Variants in KIF13A observed in about 807,000 individuals in gnomAD.
The protein encoded by KIF13A is kinesin family member 13A, also known as kinesin-like protein KIF13A.
KIF13A carries 79 observed loss-of-function variants against 212.2 expected under a neutral mutation model. The observed-to-expected ratio is 0.37, with a 90% CI of 0.31 to 0.45. The LOEUF (loss-of-function observed/expected upper bound fraction) is 0.45. Among genes scored for constraint, KIF13A ranks in the 20% least tolerant of loss-of-function variants. The pLI is 1.00. For missense variants in KIF13A, 1,901 were observed against 2,209.0 expected, an observed-to-expected ratio of 0.86 and a Z score of 2.79; for synonymous variants, 789 against 808.6, an observed-to-expected ratio of 0.98 and a Z score of 0.41.
Position 17,872,747 on chromosome 6 carries a change from C to T in KIF13A, c.220+630G>A, listed in dbSNP as rs963436261. Among the ~76,000 whole-genome samples, 1 of 152,044 alleles carries T rather than the reference C, an allele frequency of 6.6e-6. No homozygotes were observed. Among genetic ancestry groups the T allele is most frequent in the African/African-American group, 2.4e-5 (1 of 41,472 alleles). On this transcript the variant is annotated intron_variant, in intron 4 of 38. Transcript: ENST00000259711. This position sits in a 1 kb window ranked among gnomAD's most constrained non-coding sequence, Gnocchi z 4.7. ...GCCTCCTGGGCTCAAGGCATTCTCC[C>T]GCCTCAGCCTCCCAAGTAGCTGGGA... is the stretch of plus-strand genomic sequence containing the variant.
In KIF13A at chr6:17,877,129, TTCTC is replaced by T. The variant is rs371357176; in HGVS notation, c.160-3696_160-3693del. Reference sequence around the variant, plus strand: ...AAAGACTAGTAAGTTATACGCAATGTTCTCTCTCTCTTGCCAAAAAAAAAAAAAA... The same window carrying T: ...AAAGACTAGTAAGTTATACGCAATGTTCTCTCTTGCCAAAAAAAAAAAAAA... On this transcript the variant is annotated intron_variant, in intron 3 of 38. Coordinates refer to ENST00000259711, the MANE Select transcript of KIF13A (RefSeq NM_022113.6). Among the ~76,000 whole-genome samples the T allele has an allele frequency of 5.5e-3, 763 of 138,868 alleles. 6 individuals are homozygous for T. Among genetic ancestry groups the T allele is most frequent in the African/African-American group, 0.02 (729 of 36,570 alleles). 91.1% of individuals were successfully genotyped at this position (138,868 alleles called of 152,430 possible).
At chr6:17,941,867 T>A (rs1373517272) in intron 2 of KIF13A, among the ~76,000 whole-genome samples, 1 of 151,976 alleles carries the variant, frequency 6.6e-6, no homozygotes, top group East Asian at 1.9e-4. Context: ...AAGGATGGGT[T>A]GTATATACTA....
At chr6:17,924,019 T>C (rs1392703950) in intron 2 of KIF13A, among the ~76,000 whole-genome samples, 1 of 152,190 alleles carries the variant, frequency 6.6e-6, no homozygotes. Context: ...AATCTTTTAC[T>C]TTAAGATATG....
intron 2 of KIF13A, among the ~76,000 whole-genome samples, chr6:17,980,274 G>C (rs1468769084): frequency 6.6e-6 from 1 of 152,230 alleles, no homozygotes; most frequent in Non-Finnish European, 1.5e-5. Context: ...AATAAGGTGA[G>C]TAGGTAGAAT....
Position 17,804,507 on chromosome 6 carries a change from T to C in KIF13A, c.2308A>G (p.Lys770Glu), listed in dbSNP as rs567873540. The C allele has an allele frequency of 1.0e-4, 162 of 1,593,734 alleles. 3 individuals are homozygous for C. In the South Asian group the frequency reaches 1.8e-3, roughly 18 times the overall value. ...TCACCTCGTTTTCCGTAGAGTCTCT[T>C]TGCCTGAGAAGTAGGAGGGGCCAGT... ...QEWKEKVPEAKRLYGKRGDPF... is the reference protein window; with the variant it reads ...QEWKEKVPEAERLYGKRGDPF... The change falls in exon 20 of 39, where the codon AAG (lysine) becomes GAG (glutamate). Residue 770 changes from lysine (K) to glutamate (E), a missense_variant. This residue lies in a region of KIF13A where 534 missense variants were observed against 536.9 expected (regional missense o/e 0.99). Transcript: ENST00000259711.
chr6:17,855,629 C>T lies in KIF13A; in HGVS notation c.314-12G>A. ...GGATTTTCCCGAACCTGGAGAACAG[C>T]AAGGAAAAAGAAGAACAGGTAGAGG... On this transcript the variant is annotated splice_polypyrimidine_tract_variant and intron_variant, in intron 5 of 38. Coordinates refer to ENST00000259711, the MANE Select transcript of KIF13A (RefSeq NM_022113.6). This position sits in a 1 kb window ranked among gnomAD's most constrained non-coding sequence, Gnocchi z 4.1. 2 of 1,590,886 alleles carry T rather than the reference C, an allele frequency of 1.3e-6. No homozygotes were observed. Among genetic ancestry groups the T allele is most frequent in the Non-Finnish European group, 1.7e-6 (2 of 1,171,254 alleles).
At position 17,909,644 on chromosome 6, in the gene KIF13A, C is replaced by T. The variant is rs191537022; in HGVS notation, c.147-11464G>A. Among the ~76,000 whole-genome samples the T allele has an allele frequency of 3.4e-4, 51 of 152,142 alleles. No homozygotes were observed. In the East Asian group the frequency reaches 8.5e-3, roughly 25 times the overall value. ...GTATGGTGGCTCATGCCTGTAATCC[C>T]GGCACGTTGGGAGGCCAAGGCAGGC... is the stretch of plus-strand genomic sequence containing the variant. On this transcript the variant is annotated intron_variant, in intron 2 of 38. Transcript: ENST00000259711.
At position 17,764,603 on chromosome 6, in the gene KIF13A, T is replaced by G. The variant is rs1256909832; in HGVS notation, c.4925A>C (p.His1642Pro). The G allele has an allele frequency of 9.9e-6, 16 of 1,613,900 alleles. No homozygotes were observed. Among genetic ancestry groups the G allele is most frequent in the Non-Finnish European group, 1.4e-5 (16 of 1,179,904 alleles). ...STEHSTPSLV[H>P]DFRPSSNKEL... ...TTTGTTTGAGGACGGCCTGAAATCA[T>G]GCACAAGCGATGGTGTGGAGTGCTC... Residue 1642 changes from histidine to proline, a missense_variant, in exon 39 of 39, where the codon CAT (histidine) becomes CCT (proline). Physicochemically the swap from His to Pro is moderately conservative, Grantham distance 77. This residue lies in a region of KIF13A where 687 missense variants were observed against 759.1 expected (regional missense o/e 0.90). Transcript: ENST00000259711. This position sits in a 1 kb window ranked among gnomAD's most constrained non-coding sequence, Gnocchi z 5.1.
chr6:17,811,782 A>G lies in KIF13A; in HGVS notation c.2001-2852T>C, dbSNP rs909008280. 4.6e-5 allele frequency among the ~76,000 whole-genome samples: 7 copies of G among 152,110 alleles called. No homozygotes were observed. The highest frequency in any genetic ancestry group is 7.4e-5 in the Non-Finnish European group (5 of 68,002). ...TCTTGTCTTTGAATGACATTCCCAAAATATCTCATCTTTTTTTTTCTTCCT... is the reference window on the plus strand; with the variant it reads ...TCTTGTCTTTGAATGACATTCCCAAGATATCTCATCTTTTTTTTTCTTCCT... On this transcript the variant is annotated intron_variant, in intron 17 of 38. Coordinates refer to ENST00000259711, the MANE Select transcript of KIF13A (RefSeq NM_022113.6). The surrounding 1 kb of genome is among the most constrained non-coding windows in gnomAD (Gnocchi z 6.0).
chr6:17,793,971 C>T (rs1362539444), intron 25 of KIF13A, among the ~76,000 whole-genome samples: 1 of 151,636 alleles, frequency 6.6e-6, no homozygotes, highest in Non-Finnish European at 1.5e-5. Context: ...GCAGTAATGC[C>T]AAAGATACAA....
rs1445890998 is a variant in KIF13A, at chr6:17,892,971, G to C, written c.159+5197C>G. On this transcript the variant is annotated intron_variant, in intron 3 of 38. Coordinates refer to ENST00000259711, the MANE Select transcript of KIF13A (RefSeq NM_022113.6). This position sits in a 1 kb window ranked among gnomAD's most constrained non-coding sequence, Gnocchi z 4.7. ...GGAACTCTTGATTTATAGCCGGTAGGTCAGAAGTATAGGTGGCAACCTGGG... is the reference window on the plus strand; with the variant it reads ...GGAACTCTTGATTTATAGCCGGTAGCTCAGAAGTATAGGTGGCAACCTGGG... Among the ~76,000 whole-genome samples, 3 of 152,212 alleles carry C rather than the reference G, an allele frequency of 2.0e-5. No homozygotes were observed. Among genetic ancestry groups the C allele is most frequent in the Non-Finnish European group, 4.4e-5 (3 of 68,042 alleles).
chr6:17,831,322 C>T (rs1706345044), intron 12 of KIF13A, 87 bp from the exon 13 acceptor site: 1 of 1,462,278 alleles, frequency 6.8e-7, no homozygotes, highest in African/African-American at 1.4e-5. Context: ...GTCACTGTTT[C>T]TGGGGACAAT....
In KIF13A at chr6:17,844,302, T is replaced by C. The variant is rs562737781; in HGVS notation, c.830+5075A>G. 1.5e-3 allele frequency among the ~76,000 whole-genome samples: 226 copies of C among 152,318 alleles called. 1 individual carries two copies. Among genetic ancestry groups the C allele is most frequent in the African/African-American group, 5.3e-3 (219 of 41,580 alleles). Reference sequence around the variant, plus strand: ...GTTTTCCAGTGGTTAATGCCAATCATTAAACTCAATGTTCATCAACCGTTG... The same window carrying C: ...GTTTTCCAGTGGTTAATGCCAATCACTAAACTCAATGTTCATCAACCGTTG... On this transcript the variant is annotated intron_variant, in intron 9 of 38. Coordinates refer to ENST00000259711, the MANE Select transcript of KIF13A (RefSeq NM_022113.6).
At chr6:17,978,210 T>A (rs1045637779) in intron 2 of KIF13A, among the ~76,000 whole-genome samples, 8 of 152,232 alleles carry the variant, frequency 5.3e-5, no homozygotes, top group Non-Finnish European at 1.0e-4. Flanking sequence ...ATACAAGAAT[T>A]ATACATTTTT....
At chr6:17,863,699 C>T (rs1347670186) in intron 4 of KIF13A, among the ~76,000 whole-genome samples, 2 of 152,200 alleles carry the variant, frequency 1.3e-5, no homozygotes, top group East Asian at 1.9e-4. Context: ...GATGGCTACA[C>T]TTCATTCTGC....
rs534489087 is a variant in KIF13A, at chr6:17,874,188, G to T, written c.160-751C>A. Among the ~76,000 whole-genome samples the T allele has an allele frequency of 4.6e-5, 7 of 151,942 alleles. No homozygotes were observed. In the South Asian group the frequency reaches 1.2e-3, roughly 27 times the overall value. On this transcript the variant is annotated intron_variant, in intron 3 of 38. Transcript: ENST00000259711. ...TCCATGATATCATCTGTAGCATACT[G>T]AAGTTCAAAACTCTCCATATTCCCA...
chr6:17,785,376 A>G lies in KIF13A; in HGVS notation c.3488+139T>C. The G allele has an allele frequency of 1.1e-6, 1 of 908,574 alleles. No individual in the cohort carries two copies. Among genetic ancestry groups the G allele is most frequent in the African/African-American group, 1.8e-5 (1 of 56,856 alleles). The allele number at this position is 908,574 out of a possible 1,614,324, so 56.3% of individuals were successfully genotyped here. On this transcript the variant is annotated intron_variant, in intron 28 of 38. Transcript: ENST00000259711. This position sits in a 1 kb window ranked among gnomAD's most constrained non-coding sequence, Gnocchi z 5.8. The stretch of plus-strand genomic sequence containing the variant: ...AAGGAAAAAAAGGGATGGAAGCATT[A>G]GAGATGAGTGGACATTCCCTAAGTA...
At chr6:17,842,279 G>T (rs1332969468) in intron 9 of KIF13A, among the ~76,000 whole-genome samples, 1 of 151,840 alleles carries the variant, frequency 6.6e-6, no homozygotes, top group Admixed American at 6.6e-5. Context: ...TCGAACACCT[G>T]GGCTCAAGTG....
intron 2 of KIF13A, among the ~76,000 whole-genome samples, chr6:17,925,175 C>A (rs534604878): frequency 6.6e-6 from 1 of 152,082 alleles, no homozygotes; most frequent in Non-Finnish European, 1.5e-5. Context: ...CTGAGGCAAG[C>A]GCATGCCTGG....
Sources: gnomAD v4.1 joint callset for allele counts (sites outside exome capture counted in the v4.1 genomes callset) on GRCh38, gnomAD v4.1.1 for gene constraint, gnomAD v4.1.1 regional missense constraint, Gnocchi (gnomAD v3.1) non-coding constraint, MANE v1.5 for transcripts, NCBI Gene and HGNC (gene_info 2026-07-23, HGNC 2026-07-21) for gene names.